Variants in SP4 observed in about 807,000 individuals in gnomAD.
The protein encoded by SP4 is transcription factor Sp4.
SP4 carries 19 observed loss-of-function variants against 72.8 expected under a neutral mutation model. That is an observed-to-expected ratio of 0.26 (90% CI 0.18 to 0.38). The LOEUF is 0.38. SP4 is among the 10% of genes least tolerant of loss of function. The probability of loss-of-function intolerance (pLI) is 1.00; values close to 1 mark genes in which losing one functional copy is unlikely to be tolerated. For missense variants in SP4, 1,008 were observed against 926.3 expected, an observed-to-expected ratio of 1.09 and a Z score of -1.14; for synonymous variants, 395 against 333.1, an observed-to-expected ratio of 1.19 and a Z score of -2.02.
chr7:21,456,702 C>T (rs956356992), intron 3 of SP4, among the ~76,000 whole-genome samples: 8 of 152,170 alleles, frequency 5.3e-5, no homozygotes, highest in African/African-American at 1.4e-4. Context: ...GGGAAAGAGC[C>T]GATTTTAGTT....
intron 3 of SP4, among the ~76,000 whole-genome samples, chr7:21,467,189 C>T (rs751952095): frequency 5.3e-5 from 8 of 152,058 alleles, no homozygotes; most frequent in Non-Finnish European, 1.0e-4. Context: ...TACCAGTAAT[C>T]TCACACTTTG....
At chr7:21,460,559 G>T (rs879856681) in intron 3 of SP4, among the ~76,000 whole-genome samples, 1 of 152,182 alleles carries the variant, frequency 6.6e-6, no homozygotes, top group Non-Finnish European at 1.5e-5. Context: ...ACCCGAGCGG[G>T]TTGCCACTGC....
intron 3 of SP4, among the ~76,000 whole-genome samples, chr7:21,449,573 G>A (rs543789189): frequency 2.0e-5 from 3 of 152,076 alleles, no homozygotes; most frequent in African/African-American, 4.8e-5. Flanking sequence ...TTAAGTATAC[G>A]TGTGTGTATA....
intron 5 of SP4, among the ~76,000 whole-genome samples, chr7:21,504,711 C>T (rs1308617323): frequency 6.6e-6 from 1 of 152,136 alleles, no homozygotes; most frequent in Non-Finnish European, 1.5e-5. Context: ...AATATGGCTT[C>T]ATATTTTATG....
chr7:21,448,977 C>T (rs773028018), intron 3 of SP4, among the ~76,000 whole-genome samples: 8 of 152,144 alleles, frequency 5.3e-5, no homozygotes, highest in Non-Finnish European at 1.0e-4. Context: ...AGGACTACCT[C>T]TTCCGGGGTT....
At chr7:21,450,544 T>A (rs893581587) in intron 3 of SP4, among the ~76,000 whole-genome samples, 1 of 152,130 alleles carries the variant, frequency 6.6e-6, no homozygotes, top group Admixed American at 6.5e-5. Context: ...TTAAAAATGG[T>A]CCTCCATACA....
At chr7:21,477,348 TA>T (rs1459103296) in intron 4 of SP4, 41 bp downstream of exon 4, 6 of 1,361,962 alleles carry the variant, frequency 4.4e-6, no homozygotes, top group Non-Finnish European at 6.2e-6. Flanking sequence ...TTGGAAGGCA[TA>T]AAACAGCAGT....
intron 3 of SP4, among the ~76,000 whole-genome samples, chr7:21,470,774 A>C (rs1167288309): frequency 6.7e-6 from 1 of 150,218 alleles, no homozygotes; most frequent in African/African-American, 2.4e-5. Context: ...AAAAAAGCAG[A>C]ACAAAAAAGG....
At chr7:21,455,849 AATG>A (rs1272570149) in intron 3 of SP4, among the ~76,000 whole-genome samples, 1 of 152,168 alleles carries the variant, frequency 6.6e-6, no homozygotes. Flanking sequence ...TTAGCAACAA[AATG>A]ATGATCTCTT....
chr7:21,480,856 C>G lies in SP4; in HGVS notation c.1908-1068C>G, dbSNP rs117497293. ...TGAGAGTACCCTTAGGCTTGAACTTCTTCACATTGTCTTGCAAATGAAGTC... is the reference window on the plus strand; with the variant it reads ...TGAGAGTACCCTTAGGCTTGAACTTGTTCACATTGTCTTGCAAATGAAGTC... On this transcript the variant is annotated intron_variant, in intron 4 of 5. Coordinates refer to ENST00000222584, the MANE Select transcript of SP4 (RefSeq NM_003112.5). 5.0e-3 allele frequency among the ~76,000 whole-genome samples: 759 copies of G among 152,302 alleles called. 4 individuals are homozygous for G. The highest frequency in any genetic ancestry group is 8.6e-3 in the Non-Finnish European group (585 of 68,012).
chr7:21,477,974 A>T (rs578146035), intron 4 of SP4, among the ~76,000 whole-genome samples: 1 of 152,274 alleles, frequency 6.6e-6, no homozygotes, highest in African/African-American at 2.4e-5. Context: ...AGACATGACT[A>T]CAATCAATTT....
At chr7:21,432,310 T>A (rs1583371789) in intron 3 of SP4, among the ~76,000 whole-genome samples, 1 of 152,220 alleles carries the variant, frequency 6.6e-6, no homozygotes, top group East Asian at 1.9e-4. Flanking sequence ...TTTCTACTCC[T>A]TTGCTAAAAA....
chr7:21,507,375 C>T (rs998685066), intron 5 of SP4, among the ~76,000 whole-genome samples: 3 of 152,172 alleles, frequency 2.0e-5, no homozygotes, highest in African/African-American at 4.8e-5. Flanking sequence ...TTTAGAGGAG[C>T]AGTTGGTTTG....
intron 3 of SP4, among the ~76,000 whole-genome samples, chr7:21,471,889 T>C (rs996646424): frequency 6.6e-6 from 1 of 152,160 alleles, no homozygotes; most frequent in African/African-American, 2.4e-5. Context: ...TGAAACAATA[T>C]ATGGAAAACA....
intron 5 of SP4, among the ~76,000 whole-genome samples, chr7:21,486,643 A>G (rs1784819379): frequency 6.6e-6 from 1 of 152,046 alleles, no homozygotes; most frequent in South Asian, 2.1e-4. Context: ...TTCTCTTATC[A>G]TATAAGAGGA....
At chr7:21,440,948 C>T (rs934328780) in intron 3 of SP4, among the ~76,000 whole-genome samples, 1 of 152,172 alleles carries the variant, frequency 6.6e-6, no homozygotes, top group Non-Finnish European at 1.5e-5. Flanking sequence ...GTCTGATTAA[C>T]CCTTGTTAGG....
intron 4 of SP4, among the ~76,000 whole-genome samples, chr7:21,480,453 A>G (rs977069786): frequency 3.9e-5 from 6 of 152,092 alleles, no homozygotes; most frequent in Admixed American, 1.3e-4. Flanking sequence ...CAGTTTTAGT[A>G]TTTTGGTCCG....
chr7:21,498,868 G>C (rs1008338882), intron 5 of SP4, among the ~76,000 whole-genome samples: 10 of 152,064 alleles, frequency 6.6e-5, no homozygotes, highest in African/African-American at 2.4e-4. Flanking sequence ...GGCGGATCAT[G>C]AGGTCAGGAG....
chr7:21,455,541 T>G (rs2128400108), intron 3 of SP4, among the ~76,000 whole-genome samples: 1 of 152,288 alleles, frequency 6.6e-6, no homozygotes, highest in Middle Eastern at 3.4e-3. Flanking sequence ...TCCTTAGGGT[T>G]CCATAATGAA....
Sources: allele counts gnomAD v4.1 joint callset (sites outside exome capture counted in the v4.1 genomes callset), GRCh38; gene constraint gnomAD v4.1.1; transcripts MANE v1.5; gene names NCBI Gene and HGNC (gene_info 2026-07-23, HGNC 2026-07-21).